Variants in LAMA2 observed in about 807,000 individuals in gnomAD.
LAMA2 encodes the protein laminin subunit alpha-2.
A neutral mutation model predicts 364.8 loss-of-function variants in LAMA2; 269 were observed. The ratio of observed to expected loss-of-function variants is 0.74; its 90% CI spans 0.67 to 0.82. The LOEUF (loss-of-function observed/expected upper bound fraction) is 0.82. LAMA2 is among the 40% of genes least tolerant of loss of function. The probability of loss-of-function intolerance (pLI) is 0.00; values close to 1 mark genes in which losing one functional copy is unlikely to be tolerated. For missense variants in LAMA2, 3,807 were observed against 3,873.2 expected (o/e 0.98, Z 0.45); for synonymous variants, 1,379 against 1,370.6 (o/e 1.01, Z -0.14).
Position 129,050,209 on chromosome 6 carries a change from C to T in LAMA2, c.283+121C>T, listed in dbSNP as rs528220577. The T allele has an allele frequency of 5.2e-6, 5 of 967,502 alleles. No individual in the cohort carries two copies. The African/African-American group carries it at 6.5e-5, about 13-fold the overall frequency. 59.9% of individuals were successfully genotyped at this position (967,502 alleles called of 1,614,324 possible). A position where few individuals can be genotyped will look rare whatever the true frequency, so the allele number is the denominator to read the frequency against. On this transcript the variant is annotated intron_variant, in intron 2 of 64. Coordinates refer to ENST00000421865, the MANE Select transcript of LAMA2 (RefSeq NM_000426.4). ...CTAAGAATTCCTAGAATTCTTTTTA[C>T]CATTAAGAGCTTCTTCCTGGCCCCT...
intron 4 of LAMA2, among the ~76,000 whole-genome samples, chr6:129,142,717 T>C (rs930453175): frequency 1.1e-4 from 16 of 152,044 alleles, no homozygotes; most frequent in Non-Finnish European, 2.1e-4. Flanking sequence ...TTTACAGTTA[T>C]ACCTGTAAAT....
intron 4 of LAMA2, among the ~76,000 whole-genome samples, chr6:129,113,198 G>A (rs923634083): frequency 1.3e-5 from 2 of 152,018 alleles, no homozygotes; most frequent in Non-Finnish European, 2.9e-5. Context: ...TTTAACATGA[G>A]GGGCTCTGTC....
intron 12 of LAMA2, among the ~76,000 whole-genome samples, chr6:129,220,663 C>A (rs1474344940): frequency 6.6e-6 from 1 of 152,036 alleles, no homozygotes; most frequent in Non-Finnish European, 1.5e-5. Context: ...TCATACTTTC[C>A]AAATAGTTTC....
At chr6:129,291,804 T>C in intron 20 of LAMA2, 84 bp downstream of exon 20, 1 of 879,740 alleles carries the variant, frequency 1.1e-6, no homozygotes, top group South Asian at 1.4e-5. Flanking sequence ...TATACCTTCG[T>C]ATATTAAAAG....
At chr6:129,388,058 G>A (rs1396535323) in intron 35 of LAMA2, among the ~76,000 whole-genome samples, 4 of 152,174 alleles carry the variant, frequency 2.6e-5, no homozygotes, top group African/African-American at 4.8e-5. Context: ...AGGCGTTCAA[G>A]ACCAGCCTGG....
chr6:129,354,562 T>A (rs997098376), intron 32 of LAMA2, among the ~76,000 whole-genome samples: 89 of 152,242 alleles, frequency 5.8e-4, no homozygotes, highest in Non-Finnish European at 9.7e-4. Context: ...AAATAAATTA[T>A]TAACATGCAC....
intron 38 of LAMA2, 127 bp from the exon 39 acceptor site, chr6:129,402,197 A>G: frequency 2.9e-6 from 2 of 698,320 alleles, no homozygotes; most frequent in Non-Finnish European, 4.7e-6. Flanking sequence ...TGACAGAGCA[A>G]GACTCTGTCT....
At chr6:129,358,533 C>T (rs535696763) in intron 32 of LAMA2, among the ~76,000 whole-genome samples, 1 of 152,064 alleles carries the variant, frequency 6.6e-6, no homozygotes, top group Non-Finnish European at 1.5e-5. Flanking sequence ...ACTAGCCTAG[C>T]CTTCTCTTTT....
chr6:129,516,496 C>G lies in LAMA2; in HGVS notation c.*149C>G. On this transcript the variant is annotated 3_prime_UTR_variant, in exon 65 of 65. Coordinates refer to ENST00000421865, the MANE Select transcript of LAMA2 (RefSeq NM_000426.4). ...TATTCAGATGGTGCTAATTCAGACTCCAGACTGAATTTTAATTCAAGTTCT... is the reference window on the plus strand; with the variant it reads ...TATTCAGATGGTGCTAATTCAGACTGCAGACTGAATTTTAATTCAAGTTCT... The G allele has an allele frequency of 1.3e-6, 1 of 749,208 alleles. No individual in the cohort carries two copies. Among genetic ancestry groups the G allele is most frequent in the Non-Finnish European group, 2.3e-6 (1 of 441,256 alleles). 46.4% of individuals were successfully genotyped at this position (749,208 alleles called of 1,614,324 possible).
intron 35 of LAMA2, 141 bp from the exon 36 acceptor site, chr6:129,391,350 T>G: frequency 1.3e-6 from 1 of 748,518 alleles, no homozygotes; most frequent in Non-Finnish European, 2.4e-6. Flanking sequence ...TTGTCTTAAC[T>G]GCCTCTGTGG....
intron 56 of LAMA2, among the ~76,000 whole-genome samples, chr6:129,488,086 G>T (rs1056405464): frequency 2.6e-5 from 4 of 152,136 alleles, no homozygotes; most frequent in African/African-American, 9.7e-5. Context: ...AAGGCAGGTG[G>T]ATCATGAGGT....
rs150923031 is a variant in LAMA2, at chr6:129,348,025, A to C, written c.4437-1273A>C. ...GTTTCTTAGAGCCCATATATGTATA[A>C]GAGTGTGTGTGTGTGTTCGCGTATG... is the stretch of plus-strand genomic sequence containing the variant. On this transcript the variant is annotated intron_variant, in intron 30 of 64. Transcript: ENST00000421865. Among the ~76,000 whole-genome samples the C allele has an allele frequency of 4.8e-3, 725 of 152,232 alleles. 4 individuals are homozygous for C. The highest frequency in any genetic ancestry group is 0.014 in the Middle Eastern group (4 of 294).
intron 58 of LAMA2, among the ~76,000 whole-genome samples, chr6:129,495,161 C>G (rs1471045114): frequency 1.3e-5 from 2 of 152,136 alleles, no homozygotes; most frequent in Non-Finnish European, 2.9e-5. Flanking sequence ...GTTAGAAAGC[C>G]ATCGGTTACA....
chr6:129,427,350 T>C (rs1781371571), intron 40 of LAMA2, among the ~76,000 whole-genome samples: 1 of 152,212 alleles, frequency 6.6e-6, no homozygotes, highest in East Asian at 1.9e-4. Flanking sequence ...TTAATTTGCT[T>C]GACTTCTGTA....
intron 1 of LAMA2, among the ~76,000 whole-genome samples, chr6:128,967,779 G>A (rs1431073028): frequency 2.6e-5 from 4 of 152,014 alleles, no homozygotes; most frequent in African/African-American, 4.8e-5. Flanking sequence ...ATTGGATTCC[G>A]ACTTTTACAC....
chr6:128,883,299 G>T lies in LAMA2; in HGVS notation c.54G>T (p.Gly18=). ...TTCTGCTGCTCTCCGGAGGCCTCGG[G>T]GGCGTACAGGCGCAGCGGCCGCAGC... ...LLLLLLSGGL[G]GVQAQRPQQQ... The change falls in exon 1 of 65, where the codon GGG becomes GGT. Residue 18 remains glycine (G), a synonymous_variant. Coordinates refer to ENST00000421865, the MANE Select transcript of LAMA2 (RefSeq NM_000426.4). 1 of 1,591,062 alleles carries T rather than the reference G, an allele frequency of 6.3e-7. No homozygotes were observed. The highest frequency in any genetic ancestry group is 8.6e-7 in the Non-Finnish European group (1 of 1,169,004).
intron 1 of LAMA2, among the ~76,000 whole-genome samples, chr6:128,884,192 G>A (rs1776017532): frequency 6.6e-6 from 1 of 152,210 alleles, no homozygotes; most frequent in Middle Eastern, 3.4e-3. Context: ...ACTTTGGGGA[G>A]TCTTTGAAGA....
At chr6:129,404,736 T>C (rs986429423) in intron 40 of LAMA2, among the ~76,000 whole-genome samples, 1 of 152,078 alleles carries the variant, frequency 6.6e-6, no homozygotes, top group Admixed American at 6.6e-5. Context: ...CATGAGAATT[T>C]TTTGGGGGAG....
At chr6:129,468,000 G>T (rs1783630669) in intron 51 of LAMA2, among the ~76,000 whole-genome samples, 1 of 151,628 alleles carries the variant, frequency 6.6e-6, no homozygotes, top group African/African-American at 2.4e-5. Flanking sequence ...GACATTTCTG[G>T]TTTCTAGTTC....
Sources: allele counts gnomAD v4.1 joint callset (sites outside exome capture counted in the v4.1 genomes callset), GRCh38; gene constraint gnomAD v4.1.1; transcripts MANE v1.5; gene names NCBI Gene and HGNC (gene_info 2026-07-23, HGNC 2026-07-21).